The following CFAP57 variants were observed in gnomAD, a reference collection of about 807,000 sequenced individuals.
CFAP57 encodes cilia and flagella associated protein 57, also known as cilia- and flagella-associated protein 57.
CFAP57 carries 116 observed loss-of-function variants against 146.8 expected under a neutral mutation model. That is an observed-to-expected ratio of 0.79 (90% CI 0.68 to 0.92). The LOEUF is 0.92. Among genes scored for constraint, CFAP57 ranks in the 40% least tolerant of loss-of-function variants. The pLI is 0.00. For synonymous variants in CFAP57, 518 were observed against 552.8 expected, an observed-to-expected ratio of 0.94 and a Z score of 0.88; for missense variants, 1,377 against 1,527.2, an observed-to-expected ratio of 0.90 and a Z score of 1.64.
intron 22 of CFAP57, among the ~76,000 whole-genome samples, chr1:43,250,926 G>A (rs1027773543): frequency 1.3e-5 from 2 of 152,206 alleles, no homozygotes; most frequent in Admixed American, 6.5e-5. Context: ...TTCCCAAATT[G>A]AGAGGAGCAG....
chr1:43,232,033 C>A (rs1425089101), intron 18 of CFAP57: 4 of 696,362 alleles, frequency 5.7e-6, no homozygotes, highest in Non-Finnish European at 7.9e-6. Flanking sequence ...GGGTGGTGCC[C>A]ACATGTTGGT....
At chr1:43,175,698 G>A (rs1281934758) in intron 2 of CFAP57, among the ~76,000 whole-genome samples, 1 of 151,676 alleles carries the variant, frequency 6.6e-6, no homozygotes, top group African/African-American at 2.4e-5. Flanking sequence ...TGGAGATGGG[G>A]TCTGGCTATG....
intron 11 of CFAP57, among the ~76,000 whole-genome samples, chr1:43,213,092 T>C (rs1644690311): frequency 6.6e-6 from 1 of 152,100 alleles, no homozygotes; most frequent in South Asian, 2.1e-4. Context: ...GGTCAACTTT[T>C]TTTTCTTTTT....
chr1:43,172,584 A>ACAGGGGAGGGG, intron 1 of CFAP57, 131 bp downstream of exon 1: 2 of 458,558 alleles, frequency 4.4e-6, no homozygotes, highest in Non-Finnish European at 7.1e-6. Context: ...AAGGGGAGGG[A>ACAGGGGAGGGG]CAAGGGGAGG....
At chr1:43,248,888 A>G (rs113461201) in intron 22 of CFAP57, among the ~76,000 whole-genome samples, 1 of 151,284 alleles carries the variant, frequency 6.6e-6, no homozygotes, top group Non-Finnish European at 1.5e-5. Context: ...CCTTTTTTTA[A>G]TTTTATTTTT....
intron 22 of CFAP57, among the ~76,000 whole-genome samples, chr1:43,249,092 C>G (rs1223264836): frequency 2.2e-5 from 3 of 133,698 alleles, no homozygotes; most frequent in African/African-American, 8.5e-5. Context: ...GACGAGGTTT[C>G]ACCATGTTAG....
rs187563423 is a variant in CFAP57, at chr1:43,212,243, G to A, written c.1929+2327G>A. 1.1e-3 allele frequency among the ~76,000 whole-genome samples: 171 copies of A among 152,188 alleles called. 1 individual carries two copies. The highest frequency in any genetic ancestry group is 1.6e-4 in the Non-Finnish European group (11 of 68,004). ...ACCACTACAATCACACTATAGAACC[G>A]TTCCATCCCCACAAAGATCTCCATC... On this transcript the variant is annotated intron_variant, in intron 11 of 22. Transcript: ENST00000372492.
intron 4 of CFAP57, 42 bp downstream of exon 4, chr1:43,183,919 C>CT: frequency 6.2e-7 from 1 of 1,611,106 alleles, no homozygotes; most frequent in Non-Finnish European, 8.5e-7. Flanking sequence ...ATTCATTGTA[C>CT]TGACAGCATT....
intron 17 of CFAP57, among the ~76,000 whole-genome samples, chr1:43,225,306 A>ATT (rs1645203825): frequency 3.9e-5 from 6 of 152,356 alleles, no homozygotes; most frequent in African/African-American, 1.4e-4. Flanking sequence ...AGCAGGGGTC[A>ATT]GCACGCTCTT....
chr1:43,236,139 T>C (rs929717543), intron 21 of CFAP57, among the ~76,000 whole-genome samples: 15 of 151,756 alleles, frequency 9.9e-5, no homozygotes, highest in African/African-American at 3.4e-4. Context: ...CATCAACAAA[T>C]GAAGTCCCGG....
intron 21 of CFAP57, among the ~76,000 whole-genome samples, chr1:43,236,511 TGA>T (rs1645696244): frequency 7.3e-6 from 1 of 136,792 alleles, no homozygotes; most frequent in African/African-American, 2.8e-5. Flanking sequence ...AACACCAACC[TGA>T]GAGTGGGGGG....
intron 9 of CFAP57, among the ~76,000 whole-genome samples, chr1:43,204,920 G>A (rs1644293125): frequency 6.6e-6 from 1 of 152,170 alleles, no homozygotes; most frequent in Non-Finnish European, 1.5e-5. Context: ...GGCTTCCTAG[G>A]AGATGCCCCT....
At chr1:43,194,020 A>G (rs1643708653) in intron 6 of CFAP57, among the ~76,000 whole-genome samples, 1 of 152,068 alleles carries the variant, frequency 6.6e-6, no homozygotes, top group Admixed American at 6.6e-5. Context: ...GATGAAATAT[A>G]TATTTATATT....
At chr1:43,217,164 C>T (rs1340840018) in intron 12 of CFAP57, among the ~76,000 whole-genome samples, 1 of 152,082 alleles carries the variant, frequency 6.6e-6, no homozygotes, top group East Asian at 1.9e-4. Flanking sequence ...TTAGGTTGTG[C>T]CAGAGAGAAG....
intron 6 of CFAP57, among the ~76,000 whole-genome samples, chr1:43,194,086 A>C (rs538968713): frequency 2.8e-4 from 42 of 152,214 alleles, no homozygotes; most frequent in South Asian, 1.2e-3. Flanking sequence ...TTGAATTACT[A>C]TCTGGAGTAA....
intron 4 of CFAP57, chr1:43,184,813 C>G: frequency 4.1e-6 from 1 of 246,494 alleles, no homozygotes; most frequent in Non-Finnish European, 7.7e-6. Flanking sequence ...TAACCTTCTC[C>G]AGGAGCTGTG....
In CFAP57 at chr1:43,172,736, A is replaced by G; in HGVS notation, c.-18A>G. On this transcript the variant is annotated splice_region_variant and 5_prime_UTR_variant, in exon 2 of 23. Coordinates refer to ENST00000372492, the MANE Select transcript of CFAP57 (RefSeq NM_001378189.1). Reference sequence around the variant, plus strand: ...AAGCGCTGCCTTGGTCTTCAGCAGAACTGTTTGGCGGGAGATCATGTCAGC... The same window carrying G: ...AAGCGCTGCCTTGGTCTTCAGCAGAGCTGTTTGGCGGGAGATCATGTCAGC... 1 of 1,613,710 alleles carries G rather than the reference A, an allele frequency of 6.2e-7. No individual in the cohort carries two copies.
chr1:43,243,458 C>T (rs1646001614), intron 22 of CFAP57, 99 bp downstream of exon 22: 1 of 1,297,486 alleles, frequency 7.7e-7, no homozygotes, highest in African/African-American at 1.5e-5. Flanking sequence ...TATCAGGTCC[C>T]ATCTACACAT....
intron 21 of CFAP57, among the ~76,000 whole-genome samples, 162 bp downstream of exon 21, chr1:43,234,800 C>T (rs574593696): frequency 2.3e-4 from 35 of 152,214 alleles, no homozygotes; most frequent in African/African-American, 8.2e-4. Flanking sequence ...CCTCTGAGCT[C>T]GTCTTGGCTG....
Sources: allele counts gnomAD v4.1 joint callset (sites outside exome capture counted in the v4.1 genomes callset), GRCh38; gene constraint gnomAD v4.1.1; transcripts MANE v1.5; gene names NCBI Gene and HGNC (gene_info 2026-07-23, HGNC 2026-07-21).